ANP32A: variants seen among roughly 807,000 people sequenced by gnomAD.
ANP32A encodes acidic leucine-rich nuclear phosphoprotein 32 family member A.
ANP32A carries 1 observed loss-of-function variant against 33.9 expected under a neutral mutation model. The ratio of observed to expected loss-of-function variants is 0.03; its 90% CI spans 0.01 to 0.14. The LOEUF is 0.14. Among genes scored for constraint, ANP32A ranks in the 10% least tolerant of loss-of-function variants. The pLI is 1.00. For missense variants in ANP32A, 155 were observed against 306.0 expected (o/e 0.51, Z 3.68); for synonymous variants, 115 against 120.5 (o/e 0.95, Z 0.30).
chr15:68,819,121 C>A (rs1894434682), intron 1 of ANP32A, among the ~76,000 whole-genome samples: 1 of 152,210 alleles, frequency 6.6e-6, no homozygotes, highest in Admixed American at 6.5e-5. Context: ...GGAAGCGAGG[C>A]CTGCCTTCGC....
intron 1 of ANP32A, chr15:68,790,438 T>C (rs1165848580): frequency 6.6e-6 from 1 of 152,116 alleles, no homozygotes; most frequent in Non-Finnish European, 1.5e-5. Context: ...CAGATAGACA[T>C]AGGTTTCGGA....
In ANP32A at chr15:68,817,090, G is replaced by C. The variant is rs140233997; in HGVS notation, c.54+3608C>G. ...GCACAGATACCAGAGTTCAGCTCGT[G>C]AGGTGCTTAACCAGCACCTATATCG... On this transcript the variant is annotated intron_variant, in intron 1 of 6. Transcript: ENST00000465139. Among the ~76,000 whole-genome samples, 163 of 152,348 alleles carry C rather than the reference G, an allele frequency of 1.1e-3. 1 individual carries two copies. The highest frequency in any genetic ancestry group is 0.01 in the Middle Eastern group (3 of 294).
chr15:68,785,668 G>A (rs1893922637), intron 3 of ANP32A, among the ~76,000 whole-genome samples: 1 of 152,126 alleles, frequency 6.6e-6, no homozygotes, highest in South Asian at 2.1e-4. Context: ...GCCCCAGGAC[G>A]GTAAGGCAAC....
At chr15:68,819,648 G>C (rs1894443117) in intron 1 of ANP32A, among the ~76,000 whole-genome samples, 1 of 152,236 alleles carries the variant, frequency 6.6e-6, no homozygotes, top group South Asian at 2.1e-4. Flanking sequence ...CTGCCGACAA[G>C]CCCAGCACTG....
chr15:68,779,536 C>T lies in ANP32A; in HGVS notation c.*545G>A, dbSNP rs993772967. 2.0e-5 allele frequency: 3 copies of T among 153,316 alleles called. No individual in the cohort carries two copies. Among genetic ancestry groups the T allele is most frequent in the Non-Finnish European group, 2.9e-5 (2 of 68,880 alleles). 9.5% of individuals were successfully genotyped at this position (153,316 alleles called of 1,614,324 possible). On this transcript the variant is annotated 3_prime_UTR_variant, in exon 7 of 7. Coordinates refer to ENST00000465139, the MANE Select transcript of ANP32A (RefSeq NM_006305.4). Reference sequence around the variant, plus strand: ...AAGGGATGAGAGATGGGGAATGTCCCCAGACCAGTGCCAAAATACGCCTTT... The same window carrying T: ...AAGGGATGAGAGATGGGGAATGTCCTCAGACCAGTGCCAAAATACGCCTTT...
At position 68,820,869 on chromosome 15, in the gene ANP32A, G is replaced by C. The variant is rs1596079363; in HGVS notation, c.-118C>G. 6 of 1,236,720 alleles carry C rather than the reference G, an allele frequency of 4.9e-6. No homozygotes were observed. The East Asian group carries it at 7.4e-5, about 15-fold the overall frequency. 76.6% of individuals were successfully genotyped at this position (1,236,720 alleles called of 1,614,324 possible). A position where few individuals can be genotyped will look rare whatever the true frequency, so the allele number is the denominator to read the frequency against. On this transcript the variant is annotated 5_prime_UTR_variant, in exon 1 of 7. Coordinates refer to ENST00000465139, the MANE Select transcript of ANP32A (RefSeq NM_006305.4). ...GCTCAACCAGCTCCGCTCGGTTCTC[G>C]AGCCCCCAGCACCCGCGGCGCACAC...
intron 1 of ANP32A, chr15:68,817,802 A>G (rs1200262037): frequency 1.3e-5 from 2 of 152,176 alleles, no homozygotes; most frequent in Non-Finnish European, 2.9e-5. Flanking sequence ...TCATAGCACA[A>G]CTGGGGGTCC....
At chr15:68,792,464 T>C (rs1482384404) in intron 1 of ANP32A, among the ~76,000 whole-genome samples, 1 of 152,228 alleles carries the variant, frequency 6.6e-6, no homozygotes, top group African/African-American at 2.4e-5. Flanking sequence ...GGTCCTGTAC[T>C]TCCTGAAAAA....
chr15:68,818,774 C>A (rs886528679), intron 1 of ANP32A, among the ~76,000 whole-genome samples: 4 of 151,776 alleles, frequency 2.6e-5, no homozygotes, highest in Admixed American at 6.6e-5. Context: ...CGCCCTTCCC[C>A]CTCCGCGCAG....
rs1893852022 is a variant in ANP32A at position 68,780,392 on chromosome 15, GT to G, written c.688+17del. 3 of 1,613,998 alleles carry G rather than the reference GT, an allele frequency of 1.9e-6. No individual in the cohort carries two copies. The highest frequency in any genetic ancestry group is 2.5e-6 in the Non-Finnish European group (3 of 1,179,884). ...AGGGCCAGGCTGCTACCAGCTGAGA[GT>G]AAAAAGGCTGCCATACCACCAAGCT... On this transcript the variant is annotated intron_variant, in intron 6 of 6. Coordinates refer to ENST00000465139, the MANE Select transcript of ANP32A (RefSeq NM_006305.4). The surrounding 1 kb of genome is among the most constrained non-coding windows in gnomAD (Gnocchi z 4.3).
chr15:68,788,671 C>G (rs1196407188), intron 1 of ANP32A, among the ~76,000 whole-genome samples: 2 of 152,186 alleles, frequency 1.3e-5, no homozygotes, highest in Non-Finnish European at 2.9e-5. Flanking sequence ...CAGGTAACTA[C>G]TATATTGGAT....
intron 1 of ANP32A, among the ~76,000 whole-genome samples, chr15:68,817,938 A>C (rs1355543592): frequency 6.6e-6 from 1 of 152,140 alleles, no homozygotes; most frequent in Non-Finnish European, 1.5e-5. Context: ...GGCGCCCGGC[A>C]GTCGTGCCAC....
rs956332115 is a variant in ANP32A at position 68,782,812 on chromosome 15, C to T, written c.624+144G>A. 5 of 1,391,356 alleles carry T rather than the reference C, an allele frequency of 3.6e-6. No individual in the cohort carries two copies. In the African/African-American group the frequency reaches 4.4e-5, roughly 12 times the overall value. 86.2% of individuals were successfully genotyped at this position (1,391,356 alleles called of 1,614,324 possible). A position where few individuals can be genotyped will look rare whatever the true frequency, so the allele number is the denominator to read the frequency against. On this transcript the variant is annotated intron_variant, in intron 5 of 6. Transcript: ENST00000465139. Reference sequence around the variant, plus strand: ...TCCCCAGAAACAGCCCAGTGAAAGGCTCTGAAATGGACTCACTTCACTACC... The same window carrying T: ...TCCCCAGAAACAGCCCAGTGAAAGGTTCTGAAATGGACTCACTTCACTACC...
intron 1 of ANP32A, among the ~76,000 whole-genome samples, chr15:68,804,778 G>A (rs561630738): frequency 1.3e-5 from 2 of 152,386 alleles, no homozygotes; most frequent in African/African-American, 4.8e-5. Flanking sequence ...CTCCCAACGT[G>A]CTGAGATTGT....
chr15:68,807,618 G>A (rs1894253138), intron 1 of ANP32A, among the ~76,000 whole-genome samples: 1 of 151,990 alleles, frequency 6.6e-6, no homozygotes, highest in Non-Finnish European at 1.5e-5. Flanking sequence ...GCTCATTCAA[G>A]CCCTGACGGG....
At chr15:68,814,980 TTC>T (rs1894360988) in intron 1 of ANP32A, among the ~76,000 whole-genome samples, 1 of 152,206 alleles carries the variant, frequency 6.6e-6, no homozygotes, top group Non-Finnish European at 1.5e-5. Context: ...CTTTGACATG[TTC>T]TGAGTACACA....
intron 1 of ANP32A, among the ~76,000 whole-genome samples, chr15:68,805,837 G>A (rs1015751202): frequency 6.6e-6 from 1 of 152,132 alleles, no homozygotes; most frequent in Non-Finnish European, 1.5e-5. Context: ...CACACCAGCA[G>A]CCATGCCTTT....
chr15:68,818,143 G>A (rs955168259), intron 1 of ANP32A: 1 of 157,772 alleles, frequency 6.3e-6, no homozygotes, highest in Non-Finnish European at 1.4e-5. Context: ...CCGCCCGCCT[G>A]CCAGCGCCCC....
chr15:68,784,355 C>T (rs1295777675), intron 4 of ANP32A, 42 bp downstream of exon 4: 1 of 1,600,336 alleles, frequency 6.2e-7, no homozygotes, highest in South Asian at 1.1e-5. Flanking sequence ...CCCAAGGCCT[C>T]AGCTGGGCCC....
Sources: gnomAD v4.1 joint callset for allele counts (sites outside exome capture counted in the v4.1 genomes callset) on GRCh38, gnomAD v4.1.1 for gene constraint, Gnocchi (gnomAD v3.1) non-coding constraint, MANE v1.5 for transcripts, NCBI Gene and HGNC (gene_info 2026-07-23, HGNC 2026-07-21) for gene names.